SAP30BP: variants seen among roughly 807,000 people sequenced by gnomAD.
SAP30BP encodes SAP30 binding protein.
A neutral mutation model predicts 46.3 loss-of-function variants in SAP30BP; 31 were observed. The ratio of observed to expected loss-of-function variants is 0.67; its 90% CI spans 0.50 to 0.90. SAP30BP has a LOEUF of 0.90. Ranked by LOEUF, SAP30BP falls within the 40% of genes least tolerant of loss-of-function variation. SAP30BP has a pLI of 0.00. For missense variants in SAP30BP, 312 were observed against 391.0 expected (o/e 0.80, Z 1.70); for synonymous variants, 169 against 144.2 (o/e 1.17, Z -1.23).
intron 5 of SAP30BP, among the ~76,000 whole-genome samples, chr17:75,700,506 TCCTGGACCACCTG>T (rs1213716539): frequency 6.6e-6 from 1 of 152,152 alleles, no homozygotes; most frequent in Non-Finnish European, 1.5e-5. Flanking sequence ...CAATCATGGC[TCCTGGACCACCTG>T]CTTCACCTTT....
chr17:75,706,191 T>A lies in SAP30BP; in HGVS notation c.745+99T>A. ...ACAGCACGTGGATCTGGGCCTGGGCTCAGCCTTGCTACTTTGAGAAGCACC... is the reference window on the plus strand; with the variant it reads ...ACAGCACGTGGATCTGGGCCTGGGCACAGCCTTGCTACTTTGAGAAGCACC... On this transcript the variant is annotated intron_variant, in intron 10 of 10. Transcript: ENST00000584667. The surrounding 1 kb of genome is among the most constrained non-coding windows in gnomAD (Gnocchi z 4.6). The A allele has an allele frequency of 6.4e-7, 1 of 1,557,376 alleles. No individual in the cohort carries two copies.
At chr17:75,703,165 G>A (rs2060440159) in intron 6 of SAP30BP, 146 bp from the exon 7 acceptor site, 6 of 695,578 alleles carry the variant, frequency 8.6e-6, no homozygotes, top group Admixed American at 2.3e-5. Context: ...CTGGGAGAGT[G>A]GAGGGCCATC....
At chr17:75,696,352 G>A (rs1384095550) in intron 4 of SAP30BP, among the ~76,000 whole-genome samples, 1 of 149,758 alleles carries the variant, frequency 6.7e-6, no homozygotes, top group Non-Finnish European at 1.5e-5. Context: ...GGCCAGCGTG[G>A]TGAAACCCCA....
At chr17:75,700,060 T>TA (rs772560395) in intron 5 of SAP30BP, 189 bp downstream of exon 5, 42 of 462,794 alleles carry the variant, frequency 9.1e-5, no homozygotes, top group Non-Finnish European at 1.5e-4. Flanking sequence ...AGTTGGCTCC[T>TA]ACACCCACCG....
At chr17:75,686,209 A>G (rs189632605) in intron 3 of SAP30BP, among the ~76,000 whole-genome samples, 5 of 152,316 alleles carry the variant, frequency 3.3e-5, no homozygotes, top group Admixed American at 1.3e-4. Flanking sequence ...TGTTTCACCC[A>G]TTCCTATAGA....
At chr17:75,695,046 C>T (rs780016008) in intron 4 of SAP30BP, among the ~76,000 whole-genome samples, 3 of 152,174 alleles carry the variant, frequency 2.0e-5, no homozygotes, top group South Asian at 4.1e-4. Context: ...CCTTGTGCCC[C>T]GACCGTGTTA....
chr17:75,671,918 T>C lies in SAP30BP; in HGVS notation c.264+55T>C, dbSNP rs771111768. ...GGATGCAAACAAGGTGTTTGAACAC[T>C]GTGGCTCAGTTCGTATGTTTGGTCA... On this transcript the variant is annotated intron_variant, in intron 3 of 10. Transcript: ENST00000584667. 1.7e-5 allele frequency: 23 copies of C among 1,357,400 alleles called. 1 individual carries two copies. The Middle Eastern group carries it at 1.4e-3, about 85-fold the overall frequency. The allele number at this position is 1,357,400 out of a possible 1,614,324, so 84.1% of individuals were successfully genotyped here. A position where few individuals can be genotyped will look rare whatever the true frequency, so the allele number is the denominator to read the frequency against.
At chr17:75,705,039 C>T in intron 9 of SAP30BP, 2 of 524,524 alleles carry the variant, frequency 3.8e-6, no homozygotes, top group East Asian at 3.4e-5. Context: ...ACATTGTGCC[C>T]CCCTTTCCTC....
intron 4 of SAP30BP, among the ~76,000 whole-genome samples, chr17:75,695,976 G>A (rs1385751760): frequency 1.3e-5 from 2 of 152,078 alleles, no homozygotes; most frequent in African/African-American, 2.4e-5. Flanking sequence ...CCCCCAGCTC[G>A]CTCACTCCCT....
At chr17:75,686,876 A>C (rs761396879) in intron 3 of SAP30BP, among the ~76,000 whole-genome samples, 5 of 152,218 alleles carry the variant, frequency 3.3e-5, no homozygotes, top group Non-Finnish European at 7.3e-5. Flanking sequence ...CTAGCCCCCA[A>C]CCATGTCTCT....
At chr17:75,704,616 C>G in intron 8 of SAP30BP, 140 bp from the exon 9 acceptor site, 1 of 709,422 alleles carries the variant, frequency 1.4e-6, no homozygotes, top group Non-Finnish European at 2.5e-6. Flanking sequence ...CAAGGGCTGG[C>G]TTCATTTTGC....
chr17:75,693,552 C>G (rs983215681), intron 4 of SAP30BP, 70 bp downstream of exon 4: 10 of 1,443,342 alleles, frequency 6.9e-6, no homozygotes, highest in Middle Eastern at 1.9e-4. Context: ...CCAGCCATGC[C>G]AGGCCTGCCG....
rs1353067269 is a variant in SAP30BP at position 75,706,238 on chromosome 17, C to A, written c.746-102C>A. ...CACCTTTGGAGTCTGGGGTGGGCCA[C>A]TTCGGGGTCTGCTCCCTAGACTCCC... On this transcript the variant is annotated intron_variant, in intron 10 of 10. Coordinates refer to ENST00000584667, the MANE Select transcript of SAP30BP (RefSeq NM_013260.8). This position sits in a 1 kb window ranked among gnomAD's most constrained non-coding sequence, Gnocchi z 4.6. 1.3e-6 allele frequency: 2 copies of A among 1,542,852 alleles called. No homozygotes were observed. Among genetic ancestry groups the A allele is most frequent in the Non-Finnish European group, 1.8e-6 (2 of 1,138,410 alleles).
At position 75,706,176 on chromosome 17, in the gene SAP30BP, G is replaced by T; in HGVS notation, c.745+84G>T. ...TTGTTTGGGCGACAGACAGCACGTGGATCTGGGCCTGGGCTCAGCCTTGCT... is the reference window on the plus strand; with the variant it reads ...TTGTTTGGGCGACAGACAGCACGTGTATCTGGGCCTGGGCTCAGCCTTGCT... On this transcript the variant is annotated intron_variant, in intron 10 of 10. Transcript: ENST00000584667. This position sits in a 1 kb window ranked among gnomAD's most constrained non-coding sequence, Gnocchi z 4.6. The T allele has an allele frequency of 1.3e-6, 2 of 1,564,242 alleles. No individual in the cohort carries two copies.
Position 75,706,149 on chromosome 17 carries a change from G to C in SAP30BP, c.745+57G>C. ...CACACATGGAGCCAGGGTCTCCCTG[G>C]CTTGTTTGGGCGACAGACAGCACGT... On this transcript the variant is annotated intron_variant, in intron 10 of 10. Coordinates refer to ENST00000584667, the MANE Select transcript of SAP30BP (RefSeq NM_013260.8). This position sits in a 1 kb window ranked among gnomAD's most constrained non-coding sequence, Gnocchi z 4.6. The C allele has an allele frequency of 3.2e-6, 5 of 1,579,932 alleles. No homozygotes were observed. The highest frequency in any genetic ancestry group is 2.6e-6 in the Non-Finnish European group (3 of 1,164,206).
intron 3 of SAP30BP, among the ~76,000 whole-genome samples, chr17:75,672,786 G>A (rs1170939108): frequency 2.6e-5 from 4 of 151,964 alleles, no homozygotes; most frequent in East Asian, 1.9e-4. Flanking sequence ...GTGAAACCCC[G>A]TCTCTACTAA....
chr17:75,692,103 C>A, intron 3 of SAP30BP: 1 of 459,192 alleles, frequency 2.2e-6, no homozygotes, highest in Non-Finnish European at 2.9e-6. Flanking sequence ...GCTAAGCAGC[C>A]TGGCCTGGAC....
Position 75,667,427 on chromosome 17 carries a change from G to C in SAP30BP, c.55G>C (p.Glu19Gln). 2 of 1,614,224 alleles carry C rather than the reference G, an allele frequency of 1.2e-6. No individual in the cohort carries two copies. The highest frequency in any genetic ancestry group is 1.7e-6 in the Non-Finnish European group (2 of 1,180,034). ...TCTCGCAGTTTACGCGGAAGATTCA[G>C]AGCCCGAGTCTGATGGCGAGGCTGG... is the stretch of plus-strand genomic sequence containing the variant. ...SSLAVYAEDS[E>Q]PESDGEAGIE... Residue 19 changes from glutamate to glutamine, a missense_variant, in exon 1 of 11, where the codon GAG (glutamate) becomes CAG (glutamine). Around this residue, in one of 2 missense-constraint regions of SAP30BP, gnomAD observed 296 missense variants for 346.6 expected, o/e 0.85. Coordinates refer to ENST00000584667, the MANE Select transcript of SAP30BP (RefSeq NM_013260.8).
In SAP30BP at chr17:75,707,028, C is replaced by A. The variant is rs1392986650; in HGVS notation, c.*507C>A. 1 of 169,654 alleles carries A rather than the reference C, an allele frequency of 5.9e-6. No homozygotes were observed. The highest frequency in any genetic ancestry group is 1.6e-4 in the East Asian group (1 of 6,336). The allele number at this position is 169,654 out of a possible 1,614,324, so 10.5% of individuals were successfully genotyped here. ...CCTTGATCCCAAAACCCAGCCAGTT[C>A]TCGGGTGATGGTGGAGCTGTGCTCC... On this transcript the variant is annotated 3_prime_UTR_variant, in exon 11 of 11. Coordinates refer to ENST00000584667, the MANE Select transcript of SAP30BP (RefSeq NM_013260.8).
Sources: gnomAD v4.1 joint callset for allele counts (sites outside exome capture counted in the v4.1 genomes callset) on GRCh38, gnomAD v4.1.1 for gene constraint, gnomAD v4.1.1 regional missense constraint, Gnocchi (gnomAD v3.1) non-coding constraint, MANE v1.5 for transcripts, NCBI Gene and HGNC (gene_info 2026-07-23, HGNC 2026-07-21) for gene names.